The following CEP63 variants were observed in gnomAD, a reference collection of about 807,000 sequenced individuals.
The protein encoded by CEP63 is centrosomal protein of 63 kDa.
Under a neutral mutation model 89.1 loss-of-function variants are expected in CEP63, and 84 were observed. The ratio of observed to expected loss-of-function variants is 0.94; its 90% CI spans 0.79 to 1.13. The LOEUF (loss-of-function observed/expected upper bound fraction) is 1.13, where lower values mean the gene tolerates loss of function less well. CEP63 is among the 50% of genes most tolerant of loss of function. The pLI, the probability that CEP63 is intolerant of heterozygous loss-of-function variation, is 0.00. For missense variants in CEP63, 838 were observed against 813.3 expected (o/e 1.03, Z -0.37); for synonymous variants, 267 against 272.5 (o/e 0.98, Z 0.20).
the CEP63 span, among the ~76,000 whole-genome samples, chr3:134,650,648 G>A: frequency 6.6e-6 from 1 of 152,200 alleles, no homozygotes; most frequent in African/African-American, 2.4e-5. Context: ...CCACGGGACT[G>A]CGCGTTGCCA....
In CEP63 at chr3:134,583,696, T is replaced by G. The variant is rs574791886; in HGVS notation, c.1207-3762T>G. On this transcript the variant is annotated intron_variant, in intron 10 of 10. Coordinates refer to the CEP63 transcript ENST00000683931. ...TTGGTTCCATATGAACTTTAGAGTA[T>G]TTTTTTCCAATTCTGTGAAGAAAGT... 5.0e-3 allele frequency among the ~76,000 whole-genome samples: 762 copies of G among 152,028 alleles called. 7 individuals are homozygous for G. The highest frequency in any genetic ancestry group is 9.4e-3 in the Admixed American group (143 of 15,236).
intron 1 of CEP63, among the ~76,000 whole-genome samples, chr3:134,487,578 C>T (rs2107773999): frequency 6.6e-6 from 1 of 152,282 alleles, no homozygotes; most frequent in East Asian, 1.9e-4. Flanking sequence ...CAAAAAATGT[C>T]AACTTGACTT....
At chr3:134,768,297 C>T in the CEP63 span, among the ~76,000 whole-genome samples, 1 of 152,116 alleles carries the variant, frequency 6.6e-6, no homozygotes, top group Non-Finnish European at 1.5e-5. Context: ...ACATGTGACT[C>T]CATTATTGGG....
chr3:134,664,226 G>A, the CEP63 span, among the ~76,000 whole-genome samples: 1 of 152,200 alleles, frequency 6.6e-6, no homozygotes, highest in Non-Finnish European at 1.5e-5. Context: ...CTAGGAACCA[G>A]GGAGTTGAAG....
At chr3:134,729,809 C>T in the CEP63 span, among the ~76,000 whole-genome samples, 1 of 152,160 alleles carries the variant, frequency 6.6e-6, no homozygotes. Flanking sequence ...CCAGTCAGAG[C>T]TGTACTGAAG....
chr3:134,573,600 A>G (rs977123300), intron 11 of CEP63, among the ~76,000 whole-genome samples: 2 of 151,980 alleles, frequency 1.3e-5, no homozygotes, highest in African/African-American at 2.4e-5. Flanking sequence ...ATTCTATTCC[A>G]TTGGTCTATG....
At chr3:134,633,523 G>A in the CEP63 span, among the ~76,000 whole-genome samples, 3 of 152,094 alleles carry the variant, frequency 2.0e-5, no homozygotes, top group Non-Finnish European at 4.4e-5. Flanking sequence ...ACCTATTGGT[G>A]TAGAAAAATG....
chr3:134,596,507 C>T, the CEP63 span, among the ~76,000 whole-genome samples: 1 of 152,152 alleles, frequency 6.6e-6, no homozygotes, highest in African/African-American at 2.4e-5. Context: ...ATCTTGGGTT[C>T]CCCTCCTCAA....
At chr3:134,651,271 C>T in the CEP63 span, 1 of 1,197,810 alleles carries the variant, frequency 8.3e-7, no homozygotes, top group South Asian at 1.6e-5. Flanking sequence ...GCCTCCCTCC[C>T]TGCGCCCCTG....
chr3:134,733,053 C>A, the CEP63 span, among the ~76,000 whole-genome samples: 1 of 152,180 alleles, frequency 6.6e-6, no homozygotes, highest in Non-Finnish European at 1.5e-5. Flanking sequence ...AGGAGAGAAT[C>A]CTACACTTAG....
chr3:134,696,006 CCCTGGTGTACTT>C, the CEP63 span, among the ~76,000 whole-genome samples: 5 of 152,338 alleles, frequency 3.3e-5, no homozygotes, highest in East Asian at 9.7e-4. Context: ...CTTTTCACCA[CCCTGGTGTACTT>C]CTCCCTTGCC....
intron 2 of CEP63, among the ~76,000 whole-genome samples, chr3:134,499,840 T>TTTTTC: frequency 6.7e-6 from 1 of 149,130 alleles, no homozygotes; most frequent in Admixed American, 6.7e-5. Context: ...TTTTTTTTTT[T>TTTTTC]TGAGATGGAG....
chr3:134,486,496 G>A, intron 1 of CEP63: 10 of 985,770 alleles, frequency 1.0e-5, no homozygotes, highest in Non-Finnish European at 1.1e-5. Context: ...GTTCGGCCCC[G>A]CCAGGTGGTC....
chr3:134,756,517 A>C, the CEP63 span, among the ~76,000 whole-genome samples: 150,443 of 152,266 alleles, frequency 0.99, 74,349 homozygotes, highest in Middle Eastern at 1. Flanking sequence ...CCACACCTGG[A>C]TAGTTTTTGT....
chr3:134,527,844 A>G (rs543939253), intron 3 of CEP63, among the ~76,000 whole-genome samples: 42 of 152,228 alleles, frequency 2.8e-4, no homozygotes, highest in Non-Finnish European at 1.2e-4. Context: ...GACCGGCCCC[A>G]TATGATGGAC....
chr3:134,497,463 C>G (rs541496373), intron 2 of CEP63, among the ~76,000 whole-genome samples: 147 of 152,270 alleles, frequency 9.7e-4, no homozygotes, highest in Middle Eastern at 3.4e-3. Context: ...CCTCAAACTC[C>G]TGGGTTCAAG....
chr3:134,561,537 C>A lies in CEP63; in HGVS notation c.*2C>A. On this transcript the variant is annotated 3_prime_UTR_variant, in exon 15 of 15. Coordinates refer to ENST00000675561, the MANE Select transcript of CEP63 (RefSeq NM_001353108.3). The stretch of plus-strand genomic sequence containing the variant: ...AGACAATTCACAGCCTTAAAGTAGC[C>A]TCTTAAAAAAATCACTATCTTGGAA... 2 of 1,611,902 alleles carry A rather than the reference C, an allele frequency of 1.2e-6. No homozygotes were observed. The highest frequency in any genetic ancestry group is 1.7e-6 in the Non-Finnish European group (2 of 1,178,760).
chr3:134,723,918 A>C, the CEP63 span, among the ~76,000 whole-genome samples: 3 of 152,244 alleles, frequency 2.0e-5, no homozygotes, highest in African/African-American at 7.2e-5. Context: ...AAGTCACTAC[A>C]ATAATTGACA....
At chr3:134,719,722 A>G in the CEP63 span, among the ~76,000 whole-genome samples, 1 of 152,216 alleles carries the variant, frequency 6.6e-6, no homozygotes, top group Non-Finnish European at 1.5e-5. Flanking sequence ...AAATGGAATC[A>G]TAAGGTATGT....
Sources: gnomAD v4.1 joint callset for allele counts (sites outside exome capture counted in the v4.1 genomes callset) on GRCh38, gnomAD v4.1.1 for gene constraint, MANE v1.5 for transcripts, NCBI Gene and HGNC (gene_info 2026-07-23, HGNC 2026-07-21) for gene names.